The following SETD7 variants were observed in gnomAD, a reference collection of about 807,000 sequenced individuals.
SETD7 encodes SET domain containing 7, histone lysine methyltransferase, also known as histone-lysine N-methyltransferase SETD7.
A neutral mutation model predicts 41.8 loss-of-function variants in SETD7; 16 were observed. The ratio of observed to expected loss-of-function variants is 0.38; its 90% CI spans 0.26 to 0.58. The LOEUF is 0.58. Ranked by LOEUF, SETD7 falls within the 20% of genes least tolerant of loss-of-function variation. The pLI is 0.64. For missense variants in SETD7, 346 were observed against 459.7 expected (o/e 0.75, Z 2.26); for synonymous variants, 163 against 169.7 (o/e 0.96, Z 0.31).
chr4:139,536,639 G>T (rs548975371), intron 2 of SETD7, among the ~76,000 whole-genome samples: 1 of 152,180 alleles, frequency 6.6e-6, no homozygotes, highest in South Asian at 2.1e-4. Context: ...TTGAACCCAG[G>T]AGGCAGAGGT....
intron 1 of SETD7, 141 bp from the exon 2 acceptor site, chr4:139,547,190 G>C: frequency 9.5e-7 from 1 of 1,053,254 alleles, no homozygotes; most frequent in East Asian, 2.5e-5. Flanking sequence ...TGGAAAGAAA[G>C]GGTAGTCAGC....
At position 139,495,999 on chromosome 4, in the gene SETD7, A is replaced by T. The variant is rs188879754; in HGVS notation, c.*354T>A. On this transcript the variant is annotated 3_prime_UTR_variant, in exon 8 of 8. Coordinates refer to the SETD7 transcript ENST00000506866. ...AAACATATAAAAACACACATATAAG[A>T]TCATGAACTCGTACTCATCACCCAG... is the stretch of plus-strand genomic sequence containing the variant. 18 of 166,400 alleles carry T rather than the reference A, an allele frequency of 1.1e-4. No individual in the cohort carries two copies. In the East Asian group the frequency reaches 2.6e-3, roughly 24 times the overall value. 10.3% of individuals were successfully genotyped at this position (166,400 alleles called of 1,614,324 possible).
At chr4:139,523,287 G>T (rs1035128566) in intron 5 of SETD7, 67 bp downstream of exon 5, 14 of 1,224,312 alleles carry the variant, frequency 1.1e-5, no homozygotes, top group Non-Finnish European at 1.4e-5. Flanking sequence ...AGGTGCATAA[G>T]TTCCTACCAC....
chr4:139,541,813 C>T (rs1727786474), intron 2 of SETD7, among the ~76,000 whole-genome samples: 2 of 152,114 alleles, frequency 1.3e-5, no homozygotes, highest in South Asian at 4.1e-4. Context: ...ATTATGATCT[C>T]AAAACTAGCA....
At chr4:139,546,676 C>A in intron 2 of SETD7, 1 of 510,608 alleles carries the variant, frequency 2.0e-6, no homozygotes, top group South Asian at 2.1e-5. Context: ...GCCCCCAAAT[C>A]TGGTATCTTT....
At chr4:139,511,993 T>G in intron 7 of SETD7, 150 bp from the exon 8 acceptor site, 1 of 1,403,480 alleles carries the variant, frequency 7.1e-7, no homozygotes. Context: ...CAGCATCAGT[T>G]TCACCCGAGA....
intron 2 of SETD7, among the ~76,000 whole-genome samples, chr4:139,534,676 G>A (rs955300962): frequency 3.9e-5 from 6 of 152,098 alleles, no homozygotes; most frequent in African/African-American, 1.4e-4. Flanking sequence ...CATTTACAGT[G>A]TGCCTTCTCA....
intron 4 of SETD7, among the ~76,000 whole-genome samples, chr4:139,528,270 G>T (rs1287627648): frequency 1.3e-5 from 2 of 152,166 alleles, no homozygotes; most frequent in Non-Finnish European, 2.9e-5. Context: ...ATTCCATTGG[G>T]TTCACTCATA....
At chr4:139,544,433 T>A (rs1049680298) in intron 2 of SETD7, among the ~76,000 whole-genome samples, 1 of 152,208 alleles carries the variant, frequency 6.6e-6, no homozygotes, top group African/African-American at 2.4e-5. Flanking sequence ...CTTGGCCTGG[T>A]GCTTCAGCTT....
chr4:139,547,466 TC>T (rs1452134467), intron 1 of SETD7, among the ~76,000 whole-genome samples: 1 of 152,212 alleles, frequency 6.6e-6, no homozygotes, highest in Non-Finnish European at 1.5e-5. Flanking sequence ...TGGTTGAGAT[TC>T]CACTGTTTTA....
At chr4:139,502,059 G>T (rs2111109966), downstream of SETD7, among the ~76,000 whole-genome samples, 1 of 152,314 alleles carries the variant, frequency 6.6e-6, no homozygotes, top group African/African-American at 2.4e-5. Flanking sequence ...GAGGCACAAA[G>T]AAGTTATGTC....
At chr4:139,494,832 A>T (rs1726424687), downstream of SETD7, among the ~76,000 whole-genome samples, 1 of 152,256 alleles carries the variant, frequency 6.6e-6, no homozygotes, top group African/African-American at 2.4e-5. Context: ...TGACAATATG[A>T]GTTTATAAAG....
intron 1 of SETD7, among the ~76,000 whole-genome samples, chr4:139,554,665 G>A (rs1012510066): frequency 3.3e-5 from 5 of 152,188 alleles, no homozygotes; most frequent in Non-Finnish European, 7.3e-5. Flanking sequence ...ACAACATGGT[G>A]AAAATTTTCT....
At chr4:139,535,144 A>G (rs1727602921) in intron 2 of SETD7, among the ~76,000 whole-genome samples, 1 of 152,152 alleles carries the variant, frequency 6.6e-6, no homozygotes, top group South Asian at 2.1e-4. Context: ...AAAAAAAATC[A>G]TTGGTGAAGG....
chr4:139,535,958 C>CT (rs754854978), intron 2 of SETD7, among the ~76,000 whole-genome samples: 4 of 152,180 alleles, frequency 2.6e-5, no homozygotes, highest in Non-Finnish European at 4.4e-5. Context: ...ACCTTTCTCT[C>CT]TAACTGTTCT....
intron 7 of SETD7, among the ~76,000 whole-genome samples, chr4:139,516,350 C>G (rs1316406825): frequency 3.3e-5 from 5 of 151,500 alleles, no homozygotes; most frequent in African/African-American, 1.2e-4. Flanking sequence ...CCTGTAATCC[C>G]AGCTATTCGG....
chr4:139,529,323 A>T, intron 3 of SETD7, 103 bp from the exon 4 acceptor site: 1 of 856,864 alleles, frequency 1.2e-6, no homozygotes, highest in South Asian at 1.9e-5. Context: ...ATATAGCACC[A>T]GTAGGGATAA....
At position 139,517,872 on chromosome 4, in the gene SETD7, G is replaced by C. The variant is rs762613813; in HGVS notation, c.920+13C>G. 15 of 1,610,776 alleles carry C rather than the reference G, an allele frequency of 9.3e-6. No individual in the cohort carries two copies. Among genetic ancestry groups the C allele is most frequent in the Non-Finnish European group, 1.3e-5 (15 of 1,178,222 alleles). On this transcript the variant is annotated intron_variant, in intron 7 of 7. Transcript: ENST00000274031. The stretch of plus-strand genomic sequence containing the variant: ...GGCATAGATCCGCCCCAGCAGCTCT[G>C]GGTAATACTTACATATCGTAGATGC...
intron 7 of SETD7, among the ~76,000 whole-genome samples, chr4:139,496,968 A>C (rs899733617): frequency 1.3e-5 from 2 of 152,210 alleles, no homozygotes; most frequent in African/African-American, 4.8e-5. Context: ...GCTTATGCCT[A>C]TAATGCCCAG....
Sources: allele counts gnomAD v4.1 joint callset (sites outside exome capture counted in the v4.1 genomes callset), GRCh38; gene constraint gnomAD v4.1.1; transcripts MANE v1.5; gene names NCBI Gene and HGNC (gene_info 2026-07-23, HGNC 2026-07-21).